Variants in TMCC2 observed in about 807,000 individuals in gnomAD.
The protein encoded by TMCC2 is transmembrane and coiled-coil domains protein 2.
Under a neutral mutation model 49.4 loss-of-function variants are expected in TMCC2, and 16 were observed. That is an observed-to-expected ratio of 0.32 (90% CI 0.22 to 0.49). The LOEUF (loss-of-function observed/expected upper bound fraction) is 0.49. Ranked by LOEUF, TMCC2 falls within the 20% of genes least tolerant of loss-of-function variation. The pLI, the probability that TMCC2 is intolerant of heterozygous loss-of-function variation, is 0.99. For missense variants in TMCC2, 762 were observed against 989.8 expected, an observed-to-expected ratio of 0.77 and a Z score of 3.09; for synonymous variants, 397 against 434.1, an observed-to-expected ratio of 0.91 and a Z score of 1.06.
rs1386495354 is a variant in TMCC2 at position 205,269,285 on chromosome 1, G to C, written c.1083G>C (p.Leu361=). The change falls in exon 3 of 5, where the codon CTG becomes CTC. Residue 361 remains leucine, a synonymous_variant. Coordinates refer to ENST00000358024, the MANE Select transcript of TMCC2 (RefSeq NM_014858.4). The part of the protein sequence containing the change: ...HKKLEHYRRR[L]KEIEQNGPSR... Reference sequence around the variant, plus strand: ...AGCTGGAGCACTACCGCCGGCGCCTGAAGGAGATTGAGCAGAACGGGCCCT... The same window carrying C: ...AGCTGGAGCACTACCGCCGGCGCCTCAAGGAGATTGAGCAGAACGGGCCCT... 1 of 1,613,604 alleles carries C rather than the reference G, an allele frequency of 6.2e-7. No individual in the cohort carries two copies. The highest frequency in any genetic ancestry group is 1.3e-5 in the African/African-American group (1 of 74,952).
chr1:205,258,173 T>G (rs1334822253), intron 2 of TMCC2, among the ~76,000 whole-genome samples: 1 of 152,098 alleles, frequency 6.6e-6, no homozygotes, highest in Non-Finnish European at 1.5e-5. Flanking sequence ...CAGCTGGCTC[T>G]GCACTGCCTG....
intron 1 of TMCC2, among the ~76,000 whole-genome samples, chr1:205,238,139 G>A (rs931084319): frequency 6.6e-6 from 1 of 152,234 alleles, no homozygotes; most frequent in Non-Finnish European, 1.5e-5. Flanking sequence ...GTCAGAGCAG[G>A]TGGTGCTTTC....
At chr1:205,250,497 C>T (rs1002044462) in intron 2 of TMCC2, among the ~76,000 whole-genome samples, 5 of 151,870 alleles carry the variant, frequency 3.3e-5, no homozygotes, top group African/African-American at 4.8e-5. Context: ...GCTGAGATCG[C>T]GCCATTACAC....
At chr1:205,248,590 C>T (rs563250933) in intron 2 of TMCC2, among the ~76,000 whole-genome samples, 1 of 152,252 alleles carries the variant, frequency 6.6e-6, no homozygotes, top group African/African-American at 2.4e-5. Context: ...CCATGTGTTG[C>T]CTTAACCTCT....
In TMCC2 at chr1:205,241,875, G is replaced by A. The variant is rs1399251093; in HGVS notation, c.578G>A (p.Gly193Asp). The change falls in exon 2 of 5, where the codon GGC (glycine) becomes GAC (aspartate). Residue 193 changes from glycine to aspartate, a missense_variant. Gly to Asp is a moderately conservative substitution (Grantham distance 94). This residue lies in a region of TMCC2 where 322 missense variants were observed against 353.1 expected (regional missense o/e 0.91). Transcript: ENST00000358024. This position sits in a 1 kb window ranked among gnomAD's most constrained non-coding sequence, Gnocchi z 7.3. ...TKSSSLEPQR[G>D]SPHLLRKAPQ... ...AGTAGCTCCCTGGAGCCCCAGCGTGGCAGCCCTCACCTGCTGCGCAAGGCC... is the reference window on the plus strand; with the variant it reads ...AGTAGCTCCCTGGAGCCCCAGCGTGACAGCCCTCACCTGCTGCGCAAGGCC... The A allele has an allele frequency of 1.2e-6, 2 of 1,604,516 alleles. No homozygotes were observed. The highest frequency in any genetic ancestry group is 1.7e-6 in the Non-Finnish European group (2 of 1,177,252).
At chr1:205,268,169 C>A in intron 2 of TMCC2, 2 of 712,988 alleles carry the variant, frequency 2.8e-6, no homozygotes, top group Non-Finnish European at 3.4e-6. Flanking sequence ...AAAGTGTAGG[C>A]GGTCAGCCCT....
Position 205,235,903 on chromosome 1 carries a change from A to C in TMCC2, c.208-5602A>C, listed in dbSNP as rs567703053. Among the ~76,000 whole-genome samples, 3 of 152,202 alleles carry C rather than the reference A, an allele frequency of 2.0e-5. 1 individual carries two copies. Among genetic ancestry groups the C allele is most frequent in the African/African-American group, 7.2e-5 (3 of 41,522 alleles). ...GCCAGCATGGTGAAACCCCGTCTCT[A>C]CTAAAAATACAAAAAATTAGCCAGG... On this transcript the variant is annotated intron_variant, in intron 1 of 4. Transcript: ENST00000358024.
intron 2 of TMCC2, among the ~76,000 whole-genome samples, chr1:205,263,835 C>T (rs1365396912): frequency 6.6e-6 from 1 of 152,216 alleles, no homozygotes; most frequent in Non-Finnish European, 1.5e-5. Flanking sequence ...AGAGGGCCAG[C>T]TCTCCCAGCC....
Position 205,228,556 on chromosome 1 carries a change from A to G in TMCC2, c.-9A>G. The stretch of plus-strand genomic sequence containing the variant: ...AAGGACAGATTCCCCTTGCCGACCC[A>G]CATACACCATGAAGAGGTGCAGATC... On this transcript the variant is annotated 5_prime_UTR_variant, in exon 1 of 5. Transcript: ENST00000358024. 1 of 1,600,404 alleles carries G rather than the reference A, an allele frequency of 6.2e-7. No individual in the cohort carries two copies. The highest frequency in any genetic ancestry group is 8.5e-7 in the Non-Finnish European group (1 of 1,170,032).
chr1:205,267,238 C>T (rs530998536), intron 2 of TMCC2, among the ~76,000 whole-genome samples: 7 of 152,286 alleles, frequency 4.6e-5, no homozygotes, highest in African/African-American at 1.4e-4. Context: ...CACAGAGGAG[C>T]CGCCCTCCCC....
chr1:205,257,516 G>A (rs1413522790), intron 2 of TMCC2: 2 of 928,984 alleles, frequency 2.2e-6, no homozygotes, highest in African/African-American at 3.4e-5. Flanking sequence ...AGAACTGTTT[G>A]TGGGTGGGAG....
Position 205,241,708 on chromosome 1 carries a change from C to T in TMCC2, c.411C>T (p.Ser137=), listed in dbSNP as rs1336203219. 6.2e-7 allele frequency: 1 copy of T among 1,613,584 alleles called. No homozygotes were observed. The highest frequency in any genetic ancestry group is 8.5e-7 in the Non-Finnish European group (1 of 1,180,008). ...PEMHRVSYAM[S]LHDLPARPTA... is the part of the protein sequence containing the mutation. Reference sequence around the variant, plus strand: ...TGCATCGCGTCTCCTACGCCATGTCCCTGCACGACCTGCCCGCCCGGCCCA... The same window carrying T: ...TGCATCGCGTCTCCTACGCCATGTCTCTGCACGACCTGCCCGCCCGGCCCA... Residue 137 remains serine (S), a synonymous_variant, in exon 2 of 5, where the codon TCC becomes TCT. Coordinates refer to ENST00000358024, the MANE Select transcript of TMCC2 (RefSeq NM_014858.4). This position sits in a 1 kb window ranked among gnomAD's most constrained non-coding sequence, Gnocchi z 7.3.
chr1:205,239,168 G>T (rs1660170902), intron 1 of TMCC2, among the ~76,000 whole-genome samples: 2 of 152,222 alleles, frequency 1.3e-5, no homozygotes, highest in Admixed American at 1.3e-4. Context: ...GGAATGGGGG[G>T]AGAAGAGGAA....
intron 1 of TMCC2, chr1:205,229,545 C>CGG (rs1241476015): frequency 0.012 from 3,536 of 297,846 alleles, 3 homozygotes; most frequent in African/African-American, 0.03. Context: ...TGTGAAGGGG[C>CGG]GGGGGGGGGG....
chr1:205,257,217 G>A, intron 2 of TMCC2: 1 of 1,232,440 alleles, frequency 8.1e-7, no homozygotes, highest in Non-Finnish European at 1.0e-6. Flanking sequence ...GGCGGCTGCA[G>A]AGTCTGGGAA....
intron 1 of TMCC2, among the ~76,000 whole-genome samples, chr1:205,238,547 G>T (rs1660145840): frequency 6.6e-6 from 1 of 152,166 alleles, no homozygotes; most frequent in Admixed American, 6.5e-5. Flanking sequence ...GACAGCTCAG[G>T]GAGGTGGGAA....
At chr1:205,256,469 G>T in intron 2 of TMCC2, 1 of 1,521,622 alleles carries the variant, frequency 6.6e-7, no homozygotes, top group Non-Finnish European at 8.9e-7. Flanking sequence ...GGCAATGCTG[G>T]CAGAGACTGG....
At chr1:205,229,096 GGACAGCAGGT>G (rs1477112847) in intron 1 of TMCC2, 1 of 1,180,556 alleles carries the variant, frequency 8.5e-7, no homozygotes, top group Non-Finnish European at 1.1e-6. Flanking sequence ...ACCAAAAAGT[GGACAGCAGGT>G]GACCATTAGT....
At position 205,241,360 on chromosome 1, in the gene TMCC2, G is replaced by A; in HGVS notation, c.208-145G>A. ...GCAAACTGACCCTTTATGCACGACG[G>A]GCCATCCACAGAGATCTTCCAGGTT... On this transcript the variant is annotated intron_variant, in intron 1 of 4. Coordinates refer to ENST00000358024, the MANE Select transcript of TMCC2 (RefSeq NM_014858.4). This position sits in a 1 kb window ranked among gnomAD's most constrained non-coding sequence, Gnocchi z 7.3. The A allele has an allele frequency of 1.1e-6, 1 of 920,574 alleles. No individual in the cohort carries two copies. Among genetic ancestry groups the A allele is most frequent in the Non-Finnish European group, 1.6e-6 (1 of 615,910 alleles). The allele number at this position is 920,574 out of a possible 1,614,324, so 57.0% of individuals were successfully genotyped here.
Sources: gnomAD v4.1 joint callset for allele counts (sites outside exome capture counted in the v4.1 genomes callset) on GRCh38, gnomAD v4.1.1 for gene constraint, gnomAD v4.1.1 regional missense constraint, Gnocchi (gnomAD v3.1) non-coding constraint, MANE v1.5 for transcripts, NCBI Gene and HGNC (gene_info 2026-07-23, HGNC 2026-07-21) for gene names.